The following TGM1 variants were observed in gnomAD, a reference collection of about 807,000 sequenced individuals.
The protein encoded by TGM1 is protein-glutamine gamma-glutamyltransferase K.
A neutral mutation model predicts 88.7 loss-of-function variants in TGM1; 63 were observed. The observed-to-expected ratio is 0.71, with a 90% CI of 0.58 to 0.88. The LOEUF is 0.88. Ranked by LOEUF, TGM1 falls within the 40% of genes least tolerant of loss-of-function variation. The pLI, the probability that TGM1 is intolerant of heterozygous loss-of-function variation, is 0.00. For missense variants in TGM1, 996 were observed against 1,118.0 expected (o/e 0.89, Z 1.56); for synonymous variants, 415 against 431.1 (o/e 0.96, Z 0.46).
chr14:24,260,085 G>T (rs761946176), intron 4 of TGM1, 27 bp from the exon 5 acceptor site: 2 of 1,590,718 alleles, frequency 1.3e-6, no homozygotes, highest in Non-Finnish European at 1.7e-6. Context: ...CACAAAACTG[G>T]TTCCCTCCAG....
At position 24,259,181 on chromosome 14, in the gene TGM1, G is replaced by T. The variant is rs769764727; in HGVS notation, c.1053C>A (p.Asn351Lys). 11 of 1,614,140 alleles carry T rather than the reference G, an allele frequency of 6.8e-6. No homozygotes were observed. The highest frequency in any genetic ancestry group is 9.3e-6 in the Non-Finnish European group (11 of 1,180,008). ...NWSGDYSRGT[N>K]PSAWVGSVEI... is the part of the protein sequence containing the mutation. ...CCACGCTGCCCACCCACGCTGATGG[G>T]TTGGTGCCTCGGGAGTAATCACCAG... is the stretch of plus-strand genomic sequence containing the variant. Residue 351 changes from asparagine to lysine, a missense_variant, in exon 7 of 15, where the codon AAC becomes AAA. By Grantham distance (94) the Asn-to-Lys change is moderately conservative. Coordinates refer to ENST00000206765, the MANE Select transcript of TGM1 (RefSeq NM_000359.3). The surrounding 1 kb of genome is among the most constrained non-coding windows in gnomAD (Gnocchi z 5.7).
chr14:24,259,831 G>A lies in TGM1; in HGVS notation c.877-20C>T. The A allele has an allele frequency of 6.2e-7, 1 of 1,611,538 alleles. No individual in the cohort carries two copies. Among genetic ancestry groups the A allele is most frequent in the Non-Finnish European group, 8.5e-7 (1 of 1,178,700 alleles). On this transcript the variant is annotated intron_variant, in intron 5 of 14. Transcript: ENST00000206765. This position sits in a 1 kb window ranked among gnomAD's most constrained non-coding sequence, Gnocchi z 5.7. ...GTCAAACTGGAAGGAGGGATGGAGG[G>A]CAGAGGTGACAGCCTGAACCCTAGG... is the stretch of plus-strand genomic sequence containing the variant.
chr14:24,250,465 C>G (rs1025753058), intron 14 of TGM1, among the ~76,000 whole-genome samples: 1 of 152,118 alleles, frequency 6.6e-6, no homozygotes, highest in Non-Finnish European at 1.5e-5. Context: ...TCACTCTGAC[C>G]CAGTCCCTGC....
intron 14 of TGM1, among the ~76,000 whole-genome samples, chr14:24,253,527 G>T (rs1006054427): frequency 6.6e-6 from 1 of 152,146 alleles, no homozygotes; most frequent in African/African-American, 2.4e-5. Context: ...GCCCAGGCTG[G>T]AGTGCAGTGG....
chr14:24,262,088 G>A lies in TGM1; in HGVS notation c.265C>T (p.Arg89Trp), dbSNP rs146189995. 2.1e-5 allele frequency: 34 copies of A among 1,613,584 alleles called. No homozygotes were observed. Among genetic ancestry groups the A allele is most frequent in the East Asian group, 1.1e-4 (5 of 44,884 alleles). ...ACACCGCTGCCCCGGGATACAGGCC[G>A]GCGGGAGTCTGAGCCCCGGGAGCCA... Reference protein sequence around the residue: ...RPGSRGSDSRRPVSRGSGVNA... With the variant: ...RPGSRGSDSRWPVSRGSGVNA... The change falls in exon 2 of 15, where the codon CGG (arginine) becomes TGG (tryptophan). Residue 89 changes from arginine (R) to tryptophan (W), a missense_variant. Arg to Trp is a moderately radical substitution (Grantham distance 101, BLOSUM62 -3). Coordinates refer to ENST00000206765, the MANE Select transcript of TGM1 (RefSeq NM_000359.3).
Position 24,260,526 on chromosome 14 carries a change from T to A in TGM1, c.681A>T (p.Gln227His). The A allele has an allele frequency of 6.2e-7, 1 of 1,614,236 alleles. No homozygotes were observed. The highest frequency in any genetic ancestry group is 2.2e-5 in the East Asian group (1 of 44,878). The change falls in exon 4 of 15, where the codon CAA (glutamine) becomes CAT (histidine). Residue 227 changes from glutamine (Q) to histidine (H), a missense_variant. Gln to His is a conservative substitution (Grantham distance 24, BLOSUM62 0). Coordinates refer to ENST00000206765, the MANE Select transcript of TGM1 (RefSeq NM_000359.3). ...GCAACTGGAACTCCCCAGCGTCTGA[T>A]TGTGTGCGGACTGTGAACTGAAACT... Reference protein sequence around the residue: ...IGKFQFTVRTQSDAGEFQLPF... With the variant: ...IGKFQFTVRTHSDAGEFQLPF...
Position 24,262,324 on chromosome 14 carries a change from C to A in TGM1, c.29G>T (p.Gly10Val), listed in dbSNP as rs2040821232. The change falls in exon 2 of 15, where the codon GGC becomes GTC. Residue 10 changes from glycine to valine, a missense_variant. Coordinates refer to ENST00000206765, the MANE Select transcript of TGM1 (RefSeq NM_000359.3). Reference sequence around the variant, plus strand: ...CTGCAAGGGGTTGCCACCCCAACGGCCCACATCGGAACGTGGCCCATCCAT... The same window carrying A: ...CTGCAAGGGGTTGCCACCCCAACGGACCACATCGGAACGTGGCCCATCCAT... Reference protein sequence around the residue: MMDGPRSDVGRWGGNPLQPP... With the variant: MMDGPRSDVVRWGGNPLQPP... The A allele has an allele frequency of 1.2e-6, 2 of 1,613,518 alleles. No homozygotes were observed. The highest frequency in any genetic ancestry group is 2.7e-5 in the African/African-American group (2 of 74,928).
In TGM1 at chr14:24,254,693, G is replaced by A. The variant is rs147516124; in HGVS notation, c.2059C>T (p.Arg687Cys). Residue 687 changes from arginine (R) to cysteine (C), a missense_variant, in exon 13 of 15, where the codon CGT becomes TGT. Coordinates refer to ENST00000206765, the MANE Select transcript of TGM1 (RefSeq NM_000359.3). ...AGGGAGAGGTCTGGGGTGCGCAGACGGAAGGTGTGCTGCTTGGCCAGCACC... is the reference window on the plus strand; with the variant it reads ...AGGGAGAGGTCTGGGGTGCGCAGACAGAAGGTGTGCTGCTTGGCCAGCACC... ...GQVLAKQHTF[R>C]LRTPDLSLTL... is the part of the protein sequence containing the mutation. 18 of 1,613,850 alleles carry A rather than the reference G, an allele frequency of 1.1e-5. No homozygotes were observed. The highest frequency in any genetic ancestry group is 1.7e-5 in the Admixed American group (1 of 60,014).
Position 24,254,799 on chromosome 14 carries a change from G to A in TGM1, c.1953C>T (p.Ala651=). The A allele has an allele frequency of 2.5e-6, 4 of 1,613,908 alleles. No homozygotes were observed. Among genetic ancestry groups the A allele is most frequent in the Non-Finnish European group, 3.4e-6 (4 of 1,180,022 alleles). The change falls in exon 13 of 15, where the codon GCC becomes GCT. Residue 651 remains alanine, a synonymous_variant. Transcript: ENST00000206765. ...GASDRVTMPV[A]YKEYRPHLVD... is the part of the protein sequence containing the mutation. Reference sequence around the variant, plus strand: ...CAAGATGGGGCCGGTATTCCTTGTAGGCCACTGGCATGGTCACACGGTCCG... The same window carrying A: ...CAAGATGGGGCCGGTATTCCTTGTAAGCCACTGGCATGGTCACACGGTCCG...
At chr14:24,253,931 C>G (rs186141012) in intron 14 of TGM1, among the ~76,000 whole-genome samples, 1 of 152,312 alleles carries the variant, frequency 6.6e-6, no homozygotes, top group Non-Finnish European at 1.5e-5. Flanking sequence ...GATAGTGAGG[C>G]AGGGCAAGGA....
chr14:24,249,244 T>G lies in TGM1; in HGVS notation c.*69A>C. ...CCTGAGCTCCTGGGGAGCTGCTCTG[T>G]AGTGTGCCCCTATCTTGGGGCAATG... On this transcript the variant is annotated 3_prime_UTR_variant, in exon 15 of 15. Coordinates refer to ENST00000206765, the MANE Select transcript of TGM1 (RefSeq NM_000359.3). 2.8e-6 allele frequency: 4 copies of G among 1,449,022 alleles called. No individual in the cohort carries two copies. The highest frequency in any genetic ancestry group is 2.9e-6 in the Non-Finnish European group (3 of 1,039,932). The allele number at this position is 1,449,022 out of a possible 1,614,324, so 89.8% of individuals were successfully genotyped here. A position where few individuals can be genotyped will look rare whatever the true frequency, so the allele number is the denominator to read the frequency against.
At chr14:24,260,420 T>C in intron 4 of TGM1, 30 bp downstream of exon 4, 1 of 1,613,862 alleles carries the variant, frequency 6.2e-7, no homozygotes, top group Non-Finnish European at 8.5e-7. Context: ...CCCTCCCATC[T>C]ACCCTCTGCT....
At position 24,258,605 on chromosome 14, in the gene TGM1, ATGTGT is replaced by A. The variant is rs398122905; in HGVS notation, c.1223_1227del (p.Asp408ValfsTer21). ...TCGAAGTAGATGTCCATGGTAAGGG[ATGTGT>A]CTGTGTCGTGGGCGGAGTTGAAGTT... On this transcript the variant is annotated frameshift_variant, in exon 8 of 15. Coordinates refer to ENST00000206765, the MANE Select transcript of TGM1 (RefSeq NM_000359.3). LOFTEE classifies it high-confidence loss of function. 1.1e-5 allele frequency: 17 copies of A among 1,614,072 alleles called. No individual in the cohort carries two copies. The Admixed American group carries it at 1.3e-4, about 13-fold the overall frequency.
intron 14 of TGM1, among the ~76,000 whole-genome samples, chr14:24,249,795 C>T (rs1428210533): frequency 1.3e-5 from 2 of 152,158 alleles, no homozygotes; most frequent in South Asian, 2.1e-4. Context: ...GCTCCCACAT[C>T]CACCTGGACA....
rs767540062 is a variant in TGM1, at chr14:24,258,400, T to G, written c.1299-12A>C. On this transcript the variant is annotated splice_polypyrimidine_tract_variant and intron_variant, in intron 8 of 14. Transcript: ENST00000206765. ...ACACATGGAAGTTCCTGGATGGACA[T>G]GGAGGAGGGGCTGGGTCTGAGCCCC... 3.0e-5 allele frequency: 49 copies of G among 1,613,952 alleles called. No individual in the cohort carries two copies. The highest frequency in any genetic ancestry group is 3.3e-4 in the Middle Eastern group (2 of 6,056).
intron 14 of TGM1, among the ~76,000 whole-genome samples, chr14:24,252,558 T>G (rs2040710830): frequency 6.6e-6 from 1 of 152,222 alleles, no homozygotes; most frequent in South Asian, 2.1e-4. Context: ...CTCTGTTCAC[T>G]GAGCTGCCAG....
Position 24,261,698 on chromosome 14 carries a change from T to G in TGM1, c.505A>C (p.Ile169Leu). The G allele has an allele frequency of 6.2e-7, 1 of 1,614,020 alleles. No homozygotes were observed. The highest frequency in any genetic ancestry group is 8.5e-7 in the Non-Finnish European group (1 of 1,179,988). The stretch of plus-strand genomic sequence containing the variant: ...TCCCAATCCAAGCCCCACTGACCGA[T>G]GAGTAACTCAAGGGTGATGCGATCA... The part of the protein sequence containing the change: ...SSDRITLELL[I>L]GNNPEVGKGT... Residue 169 changes from isoleucine (I) to leucine (L), a missense_variant, in exon 3 of 15, where the codon ATC (isoleucine) becomes CTC (leucine). Physicochemically the swap from Ile to Leu is conservative, Grantham distance 5 (BLOSUM62 2). Coordinates refer to ENST00000206765, the MANE Select transcript of TGM1 (RefSeq NM_000359.3).
chr14:24,254,034 T>A (rs2040722395), intron 14 of TGM1, 118 bp downstream of exon 14: 1 of 1,430,730 alleles, frequency 7.0e-7, no homozygotes, highest in African/African-American at 1.4e-5. Flanking sequence ...CCAACCTGCT[T>A]GGTTGGGTCC....
chr14:24,261,986 C>T, intron 2 of TGM1, 48 bp downstream of exon 2: 1 of 1,611,208 alleles, frequency 6.2e-7, no homozygotes, highest in Non-Finnish European at 8.5e-7. Flanking sequence ...GTCTCTGGTC[C>T]CATTAAAGCC....
Sources: allele counts gnomAD v4.1 joint callset (sites outside exome capture counted in the v4.1 genomes callset), GRCh38; gene constraint gnomAD v4.1.1; non-coding constraint Gnocchi (gnomAD v3.1); transcripts MANE v1.5; gene names NCBI Gene and HGNC (gene_info 2026-07-23, HGNC 2026-07-21).